The following VPS13B variants were observed in gnomAD, a reference collection of about 807,000 sequenced individuals.
VPS13B encodes the protein vacuolar protein sorting 13 homolog B, also known as intermembrane lipid transfer protein VPS13B.
Under a neutral mutation model 426.4 loss-of-function variants are expected in VPS13B, and 285 were observed. The ratio of observed to expected loss-of-function variants is 0.67; its 90% CI spans 0.61 to 0.74. The LOEUF is 0.74. VPS13B is among the 30% of genes least tolerant of loss of function. The pLI is 0.00. For synonymous variants in VPS13B, 1,676 were observed against 1,676.4 expected, an observed-to-expected ratio of 1.00 and a Z score of 0.01; for missense variants, 4,537 against 4,782.6, an observed-to-expected ratio of 0.95 and a Z score of 1.51.
At chr8:99,118,677 A>T (rs1007403844) in intron 7 of VPS13B, among the ~76,000 whole-genome samples, 10 of 152,162 alleles carry the variant, frequency 6.6e-5, no homozygotes, top group African/African-American at 1.9e-4. Flanking sequence ...CATTAAGCAT[A>T]GTGTGTTTGG....
At chr8:99,242,081 C>T (rs963929106) in intron 17 of VPS13B, among the ~76,000 whole-genome samples, 11 of 151,990 alleles carry the variant, frequency 7.2e-5, no homozygotes, top group African/African-American at 1.4e-4. Context: ...CCCGGGTTCA[C>T]GCTATTCGCC....
chr8:99,453,223 T>C (rs1361226389), intron 23 of VPS13B, among the ~76,000 whole-genome samples: 1 of 152,202 alleles, frequency 6.6e-6, no homozygotes, highest in Non-Finnish European at 1.5e-5. Flanking sequence ...GTTTTTTAAG[T>C]CATAGTTTTA....
intron 31 of VPS13B, among the ~76,000 whole-genome samples, chr8:99,565,932 C>A (rs901252949): frequency 6.6e-6 from 1 of 152,108 alleles, no homozygotes; most frequent in Non-Finnish European, 1.5e-5. Flanking sequence ...TTGACCTAAA[C>A]CTACTTGAAT....
intron 17 of VPS13B, among the ~76,000 whole-genome samples, chr8:99,252,179 T>A: frequency 6.6e-6 from 1 of 152,006 alleles, no homozygotes; most frequent in East Asian, 1.9e-4. Context: ...GAATTAAGAC[T>A]TACTTGTACT....
At chr8:99,608,169 G>A (rs1372813948) in intron 33 of VPS13B, among the ~76,000 whole-genome samples, 2 of 136,444 alleles carry the variant, frequency 1.5e-5, no homozygotes, top group African/African-American at 5.5e-5. Flanking sequence ...TTTTTTTTGA[G>A]ACAGGGTTTC....
rs969568574 is a variant in VPS13B at position 99,411,667 on chromosome 8, G to A, written c.3083-19870G>A. On this transcript the variant is annotated intron_variant, in intron 21 of 61. Transcript: ENST00000357162. ...CTATGTCCTGAATGGTACTGCCTCC[G>A]TTTTCTTCTAGGGTTTTTATGGTTT... Among the ~76,000 whole-genome samples, 14 of 152,080 alleles carry A rather than the reference G, an allele frequency of 9.2e-5. 1 individual carries two copies. Among genetic ancestry groups the A allele is most frequent in the South Asian group, 4.1e-4 (2 of 4,822 alleles).
chr8:99,617,403 A>G (rs1019986569), intron 33 of VPS13B, among the ~76,000 whole-genome samples: 1 of 152,170 alleles, frequency 6.6e-6, no homozygotes, highest in African/African-American at 2.4e-5. Flanking sequence ...ATCTTGGCTC[A>G]CTGCAACCTC....
intron 22 of VPS13B, among the ~76,000 whole-genome samples, chr8:99,432,617 C>T (rs562473572): frequency 3.9e-5 from 6 of 152,016 alleles, no homozygotes; most frequent in Admixed American, 6.6e-5. Flanking sequence ...TTACGGAGAA[C>T]GTTTTATTTT....
intron 30 of VPS13B, among the ~76,000 whole-genome samples, chr8:99,549,693 T>C (rs1251573758): frequency 3.3e-5 from 5 of 152,094 alleles, no homozygotes; most frequent in Non-Finnish European, 7.4e-5. Flanking sequence ...CTCTGATAGT[T>C]GGTACAAAAC....
intron 35 of VPS13B, among the ~76,000 whole-genome samples, chr8:99,674,898 G>A (rs543225957): frequency 6.6e-6 from 1 of 151,656 alleles, no homozygotes; most frequent in East Asian, 1.9e-4. Context: ...TTACATATTT[G>A]TATATTGTAT....
Position 99,111,250 on chromosome 8 carries a change from C to T in VPS13B, c.733C>T (p.Leu245=), listed in dbSNP as rs1489592777. The part of the protein sequence containing the change: ...RTRLHFTYEN[L]NSKMPSVIKI... ...TCGTCTTCATTTTACATATGAAAACCTAAATTCCAAGATGCCATCTGTTAT... is the reference window on the plus strand; with the variant it reads ...TCGTCTTCATTTTACATATGAAAACTTAAATTCCAAGATGCCATCTGTTAT... Residue 245 remains leucine, a synonymous_variant, in exon 6 of 62, where the codon CTA becomes TTA. Transcript: ENST00000357162. The T allele has an allele frequency of 1.2e-6, 2 of 1,602,770 alleles. No homozygotes were observed. The highest frequency in any genetic ancestry group is 1.7e-6 in the Non-Finnish European group (2 of 1,175,712).
intron 3 of VPS13B, among the ~76,000 whole-genome samples, chr8:99,074,284 A>G (rs1380383819): frequency 2.6e-5 from 4 of 152,072 alleles, no homozygotes; most frequent in Admixed American, 6.5e-5. Flanking sequence ...GGATTTTATC[A>G]AATGCATTTT....
chr8:99,037,730 T>G (rs1842809631), intron 2 of VPS13B, among the ~76,000 whole-genome samples: 1 of 152,172 alleles, frequency 6.6e-6, no homozygotes, highest in Admixed American at 6.5e-5. Context: ...GGTGACATTT[T>G]TCATGCCTAA....
intron 21 of VPS13B, among the ~76,000 whole-genome samples, chr8:99,404,002 A>G (rs1224143281): frequency 1.3e-5 from 2 of 152,210 alleles, no homozygotes; most frequent in Admixed American, 6.5e-5. Context: ...GGTTTATTCA[A>G]CTGAGGGAAA....
rs773817774 is a variant in VPS13B at position 99,831,076 on chromosome 8, C to CTTTTTTTTTTTTTTTTTTTTTT, written c.9331-1279_9331-1278insTTTTTTTTTTTTTTTTTTTTTT. ...CTTGCCCGGGAATTGGTGTTTTTTT[C>CTTTTTTTTTTTTTTTTTTTTTT]TTTTTTTTTTTTTTGAGATAGAGTC... On this transcript the variant is annotated intron_variant, in intron 51 of 61. Coordinates refer to ENST00000357162, the MANE Select transcript of VPS13B (RefSeq NM_152564.5). Among the ~76,000 whole-genome samples the CTTTTTTTTTTTTTTTTTTTTTT allele has an allele frequency of 1.7e-5, 2 of 120,080 alleles. 1 individual carries two copies. Among genetic ancestry groups the CTTTTTTTTTTTTTTTTTTTTTT allele is most frequent in the African/African-American group, 6.4e-5 (2 of 31,294 alleles). The allele number at this position is 120,080 out of a possible 152,430, so 78.8% of individuals were successfully genotyped here. A position where few individuals can be genotyped will look rare whatever the true frequency, so the allele number is the denominator to read the frequency against.
At chr8:99,259,534 A>G (rs1436547688) in intron 17 of VPS13B, among the ~76,000 whole-genome samples, 4 of 152,118 alleles carry the variant, frequency 2.6e-5, no homozygotes, top group Non-Finnish European at 4.4e-5. Flanking sequence ...TCAAAGCACT[A>G]GTGAAAAGAT....
At chr8:99,412,209 A>G (rs1025548192) in intron 21 of VPS13B, among the ~76,000 whole-genome samples, 4 of 151,910 alleles carry the variant, frequency 2.6e-5, no homozygotes, top group African/African-American at 4.8e-5. Context: ...TTTGTATGGA[A>G]TGTTTTTCCA....
At chr8:99,135,771 G>A (rs779679478) in intron 11 of VPS13B, 38 bp downstream of exon 11, 1 of 1,611,642 alleles carries the variant, frequency 6.2e-7, no homozygotes, top group African/African-American at 1.3e-5. Flanking sequence ...TCTAGGCTGT[G>A]TTTGGGTGGA....
At chr8:99,140,327 T>G (rs1185405508) in intron 12 of VPS13B, among the ~76,000 whole-genome samples, 1 of 135,978 alleles carries the variant, frequency 7.4e-6, no homozygotes, top group Non-Finnish European at 1.5e-5. Context: ...ATCATACCAC[T>G]GCACTCCAGC....
Sources: gnomAD v4.1 joint callset for allele counts (sites outside exome capture counted in the v4.1 genomes callset) on GRCh38, gnomAD v4.1.1 for gene constraint, MANE v1.5 for transcripts, NCBI Gene and HGNC (gene_info 2026-07-23, HGNC 2026-07-21) for gene names.